The following SEC14L4 variants were observed in gnomAD, a reference collection of about 807,000 sequenced individuals.
The protein encoded by SEC14L4 is SEC14 like lipid binding 4, also known as SEC14-like protein 4.
A neutral mutation model predicts 55.1 loss-of-function variants in SEC14L4; 42 were observed. That is an observed-to-expected ratio of 0.76 (90% CI 0.60 to 0.99). The LOEUF (loss-of-function observed/expected upper bound fraction) is 0.99, where lower values mean the gene tolerates loss of function less well. Among genes scored for constraint, SEC14L4 ranks in the 50% least tolerant of loss-of-function variants. The pLI, the probability that SEC14L4 is intolerant of heterozygous loss-of-function variation, is 0.00. For synonymous variants in SEC14L4, 206 were observed against 206.8 expected, an observed-to-expected ratio of 1.00 and a Z score of 0.03; for missense variants, 445 against 512.1, an observed-to-expected ratio of 0.87 and a Z score of 1.27.
intron 2 of SEC14L4, among the ~76,000 whole-genome samples, chr22:30,503,030 G>C (rs890351404): frequency 2.0e-5 from 3 of 152,236 alleles, no homozygotes; most frequent in Non-Finnish European, 4.4e-5. Context: ...CCAAAGGCAA[G>C]TACTGAAAAC....
chr22:30,498,713 C>G (rs761116404), intron 2 of SEC14L4, among the ~76,000 whole-genome samples: 29 of 152,214 alleles, frequency 1.9e-4, no homozygotes, highest in Middle Eastern at 3.4e-3. Context: ...TAACCATTAC[C>G]AAGTCAAGGA....
intron 11 of SEC14L4, 174 bp from the exon 12 acceptor site, chr22:30,490,420 G>A: frequency 2.1e-6 from 2 of 974,896 alleles, no homozygotes; most frequent in Non-Finnish European, 3.0e-6. Flanking sequence ...GGGCCTGAGG[G>A]CCAGCCTGTG....
intron 2 of SEC14L4, among the ~76,000 whole-genome samples, chr22:30,503,002 G>A (rs184726945): frequency 3.3e-5 from 5 of 152,218 alleles, no homozygotes; most frequent in Admixed American, 1.3e-4. Context: ...CCCTGTCCTC[G>A]GGGAACTGGA....
At position 30,495,148 on chromosome 22, in the gene SEC14L4, C is replaced by T. The variant is rs1936097660; in HGVS notation, c.423+106G>A. 5.8e-6 allele frequency: 7 copies of T among 1,198,542 alleles called. No homozygotes were observed. The East Asian group carries it at 1.5e-4, about 26-fold the overall frequency. The allele number at this position is 1,198,542 out of a possible 1,614,324, so 74.2% of individuals were successfully genotyped here. A position where few individuals can be genotyped will look rare whatever the true frequency, so the allele number is the denominator to read the frequency against. On this transcript the variant is annotated intron_variant, in intron 5 of 11. Coordinates refer to ENST00000255858, the MANE Select transcript of SEC14L4 (RefSeq NM_174977.4). ...AGGGTGGGAGAAGCCCACATTCCAC[C>T]AGAGCCCTGGGTGCTGAGGGCTGGG...
chr22:30,500,683 T>A (rs1038530051), intron 2 of SEC14L4, among the ~76,000 whole-genome samples: 1 of 150,944 alleles, frequency 6.6e-6, no homozygotes, highest in Non-Finnish European at 1.5e-5. Flanking sequence ...ATTTTTCAGT[T>A]AGGAACCAGA....
chr22:30,495,825 A>G, intron 3 of SEC14L4, 103 bp downstream of exon 3: 2 of 1,590,304 alleles, frequency 1.3e-6, no homozygotes, highest in Non-Finnish European at 1.7e-6. Context: ...GGAAGAAAGA[A>G]GAAACAGGAG....
chr22:30,500,018 C>T (rs1936271703), intron 2 of SEC14L4, among the ~76,000 whole-genome samples: 1 of 151,782 alleles, frequency 6.6e-6, no homozygotes, highest in Non-Finnish European at 1.5e-5. Flanking sequence ...TGCAGTTGCC[C>T]ACCACCATGC....
In SEC14L4 at chr22:30,500,754, ATTTTTTTTTT is replaced by A. The variant is rs531954470; in HGVS notation, c.130+2913_130+2922del. ...AATGCTCATGGGATATGAGAACAGA[ATTTTTTTTTT>A]TTTTTTTTTTTTTTTTTTTAGTAAC... On this transcript the variant is annotated intron_variant, in intron 2 of 11. Coordinates refer to ENST00000255858, the MANE Select transcript of SEC14L4 (RefSeq NM_174977.4). Among the ~76,000 whole-genome samples the A allele has an allele frequency of 4.8e-3, 384 of 79,514 alleles. 4 individuals are homozygous for A. Among genetic ancestry groups the A allele is most frequent in the African/African-American group, 0.017 (338 of 19,388 alleles). The allele number at this position is 79,514 out of a possible 152,430, so 52.2% of individuals were successfully genotyped here. A position where few individuals can be genotyped will look rare whatever the true frequency, so the allele number is the denominator to read the frequency against.
chr22:30,492,646 G>T, intron 7 of SEC14L4, 89 bp from the exon 8 acceptor site: 1 of 1,011,494 alleles, frequency 9.9e-7, no homozygotes, highest in Non-Finnish European at 1.6e-6. Context: ...TGGACAGGAG[G>T]TGGACAGATA....
intron 7 of SEC14L4, 77 bp downstream of exon 7, chr22:30,494,073 T>A: frequency 8.9e-7 from 1 of 1,121,888 alleles, no homozygotes; most frequent in Non-Finnish European, 1.4e-6. Context: ...AAGAAGCCTT[T>A]AACTCCATGG....
In SEC14L4 at chr22:30,494,881, C is replaced by T; in HGVS notation, c.504G>A (p.Val168=). The T allele has an allele frequency of 6.2e-7, 1 of 1,613,388 alleles. No homozygotes were observed. The highest frequency in any genetic ancestry group is 8.5e-7 in the Non-Finnish European group (1 of 1,179,610). Residue 168 remains valine (V), a synonymous_variant, in exon 6 of 12, where the codon GTG becomes GTA. Transcript: ENST00000255858. ...CCCACCTTACCTGCTGGTAGACCTCCACAGCTGGCTTCCACAGGTGTTTCA... is the reference window on the plus strand; with the variant it reads ...CCCACCTTACCTGCTGGTAGACCTCTACAGCTGGCTTCCACAGGTGTTTCA... ...LSLKHLWKPA[V]EVYQQFFSIL...
At chr22:30,494,836 C>A in intron 6 of SEC14L4, 30 bp downstream of exon 6, 2 of 1,499,848 alleles carry the variant, frequency 1.3e-6, no homozygotes, top group Non-Finnish European at 1.9e-6. Flanking sequence ...CCACTGCCCA[C>A]ACCAGCCCCA....
intron 2 of SEC14L4, among the ~76,000 whole-genome samples, chr22:30,503,358 G>C (rs1235850098): frequency 4.6e-5 from 7 of 151,598 alleles, no homozygotes; most frequent in Admixed American, 1.3e-4. Flanking sequence ...TCTGCCTCCC[G>C]GGTTCAAGCG....
chr22:30,494,246 T>G (rs776522591), intron 6 of SEC14L4, 36 bp from the exon 7 acceptor site: 1 of 1,538,152 alleles, frequency 6.5e-7, no homozygotes, highest in Non-Finnish European at 9.0e-7. Flanking sequence ...GGGGCTCTGT[T>G]CCATCACCTC....
Position 30,494,258 on chromosome 22 carries a change from C to T in SEC14L4, c.520-48G>A, listed in dbSNP as rs201782388. ...GTTGGGGCTCTGTTCCATCACCTCC[C>T]GCCCATGGGTTTCTGTGGCCTCTGA... On this transcript the variant is annotated intron_variant, in intron 6 of 11. Transcript: ENST00000255858. 7.0e-5 allele frequency: 103 copies of T among 1,476,398 alleles called. 2 individuals carry two copies. Among genetic ancestry groups the T allele is most frequent in the Middle Eastern group, 3.5e-4 (2 of 5,794 alleles). The allele number at this position is 1,476,398 out of a possible 1,614,324, so 91.5% of individuals were successfully genotyped here.
chr22:30,492,746 A>T, intron 7 of SEC14L4, 189 bp from the exon 8 acceptor site: 1 of 590,968 alleles, frequency 1.7e-6, no homozygotes, highest in East Asian at 2.9e-5. Flanking sequence ...TGAAGGTGAA[A>T]TAATGTATGT....
intron 6 of SEC14L4, among the ~76,000 whole-genome samples, chr22:30,494,544 T>G (rs1936075364): frequency 6.6e-6 from 1 of 152,014 alleles, no homozygotes; most frequent in South Asian, 2.1e-4. Flanking sequence ...ATGTAAAAAT[T>G]ATTATTATTG....
At chr22:30,501,435 G>C (rs982758059) in intron 2 of SEC14L4, among the ~76,000 whole-genome samples, 1 of 152,204 alleles carries the variant, frequency 6.6e-6, no homozygotes, top group South Asian at 2.1e-4. Context: ...AAGAGAGAGA[G>C]CTGATGCTGT....
rs2146162368 is a variant in SEC14L4, at chr22:30,491,485, CCCCCA to C, written c.1081+83_1081+87del. 4.6e-6 allele frequency: 7 copies of C among 1,516,320 alleles called. No individual in the cohort carries two copies. The South Asian group carries it at 8.5e-5, about 18-fold the overall frequency. The allele number at this position is 1,516,320 out of a possible 1,614,324, so 93.9% of individuals were successfully genotyped here. ...GGCTCCCCTGGAGCTTACAGAGATC[CCCCCA>C]CCCTCCCGAGAGCTGGAAAGAGAGG... On this transcript the variant is annotated intron_variant, in intron 11 of 11. Transcript: ENST00000255858.
Sources: allele counts gnomAD v4.1 joint callset (sites outside exome capture counted in the v4.1 genomes callset), GRCh38; gene constraint gnomAD v4.1.1; transcripts MANE v1.5; gene names NCBI Gene and HGNC (gene_info 2026-07-23, HGNC 2026-07-21).